Variants in SCFD1 observed in about 807,000 individuals in gnomAD.
The protein encoded by SCFD1 is sec1 family domain containing 1.
SCFD1 carries 37 observed loss-of-function variants against 103.2 expected under a neutral mutation model. That is an observed-to-expected ratio of 0.36 (90% CI 0.28 to 0.47). SCFD1 has a LOEUF of 0.47. SCFD1 is among the 20% of genes least tolerant of loss of function. SCFD1 has a pLI of 1.00. For synonymous variants in SCFD1, 264 were observed against 245.0 expected (o/e 1.08, Z -0.73); for missense variants, 639 against 761.2 (o/e 0.84, Z 1.89).
At chr14:30,668,332 A>G (rs1311330901) in intron 10 of SCFD1, among the ~76,000 whole-genome samples, 1 of 152,228 alleles carries the variant, frequency 6.6e-6, no homozygotes, top group African/African-American at 2.4e-5. Flanking sequence ...GTGCTGGGAA[A>G]ACTGGCTAGC....
chr14:30,667,013 C>G (rs1295462534), intron 10 of SCFD1, among the ~76,000 whole-genome samples: 5 of 152,160 alleles, frequency 3.3e-5, no homozygotes, highest in Admixed American at 6.5e-5. Flanking sequence ...TGAAACTATT[C>G]CAGTCAATAG....
At position 30,723,296 on chromosome 14, in the gene SCFD1, A is replaced by G. The variant is rs556095541; in HGVS notation, c.1836+737A>G. 3.5e-4 allele frequency among the ~76,000 whole-genome samples: 53 copies of G among 152,302 alleles called. 1 individual carries two copies. The highest frequency in any genetic ancestry group is 1.2e-3 in the African/African-American group (49 of 41,570). On this transcript the variant is annotated intron_variant, in intron 23 of 24. Coordinates refer to ENST00000458591, the MANE Select transcript of SCFD1 (RefSeq NM_016106.4). ...AACAAATAACTACTCTTGGGAGTCTATCTGTTTCATAGGACACGCTTCATC... is the reference window on the plus strand; with the variant it reads ...AACAAATAACTACTCTTGGGAGTCTGTCTGTTTCATAGGACACGCTTCATC...
intron 17 of SCFD1, 116 bp downstream of exon 17, chr14:30,702,491 A>G (rs1891150081): frequency 5.2e-6 from 3 of 574,902 alleles, no homozygotes; most frequent in Non-Finnish European, 9.0e-6. Context: ...GTGGTTTTAT[A>G]TATCCAGTGG....
chr14:30,641,553 C>G (rs913705916), intron 6 of SCFD1, among the ~76,000 whole-genome samples: 4 of 152,190 alleles, frequency 2.6e-5, no homozygotes, highest in Non-Finnish European at 5.9e-5. Flanking sequence ...CTACAGATCA[C>G]TTGTGCCACT....
At chr14:30,728,963 G>A (rs1893251519) in intron 23 of SCFD1, among the ~76,000 whole-genome samples, 1 of 150,546 alleles carries the variant, frequency 6.6e-6, no homozygotes, top group Non-Finnish European at 1.5e-5. Context: ...TCCTGCCTCA[G>A]CCTCCCAAGT....
At chr14:30,722,212 A>G (rs1232903489) in intron 22 of SCFD1, among the ~76,000 whole-genome samples, 1 of 152,140 alleles carries the variant, frequency 6.6e-6, no homozygotes, top group Admixed American at 6.5e-5. Flanking sequence ...GACTGTTTTC[A>G]TTTGAAATAC....
At chr14:30,726,286 A>G (rs1183675795) in intron 23 of SCFD1, among the ~76,000 whole-genome samples, 1 of 152,204 alleles carries the variant, frequency 6.6e-6, no homozygotes, top group Non-Finnish European at 1.5e-5. Context: ...TTTCTACCAC[A>G]GAAAGTTGAG....
intron 23 of SCFD1, among the ~76,000 whole-genome samples, chr14:30,724,306 G>A (rs1892886787): frequency 1.6e-5 from 2 of 128,864 alleles, no homozygotes; most frequent in South Asian, 5.3e-4. Context: ...AGGTTGGAGT[G>A]CAGTGGTGCC....
chr14:30,680,049 G>T (rs1279374416), intron 14 of SCFD1, among the ~76,000 whole-genome samples: 1 of 152,022 alleles, frequency 6.6e-6, no homozygotes, highest in Non-Finnish European at 1.5e-5. Context: ...TCAGTGAGTG[G>T]AATATCCTTC....
intron 2 of SCFD1, among the ~76,000 whole-genome samples, chr14:30,628,948 T>C (rs948146629): frequency 6.6e-6 from 1 of 152,202 alleles, no homozygotes; most frequent in African/African-American, 2.4e-5. Context: ...CTTGAGTCTT[T>C]ATAAGTCCTT....
At chr14:30,622,291 A>T (rs748409071), upstream of SCFD1, 52 of 1,591,458 alleles carry the variant, frequency 3.3e-5, 1 homozygote, top group Admixed American at 1.7e-5. Context: ...CAGCCACGTC[A>T]TCCCCCCGCT....
At chr14:30,706,980 C>A (rs1467261380) in intron 18 of SCFD1, among the ~76,000 whole-genome samples, 1 of 152,218 alleles carries the variant, frequency 6.6e-6, no homozygotes, top group Non-Finnish European at 1.5e-5. Context: ...TTCATTCCAA[C>A]AAGGATTACT....
intron 13 of SCFD1, among the ~76,000 whole-genome samples, chr14:30,674,381 G>A (rs185330470): frequency 1.0e-3 from 152 of 152,106 alleles, no homozygotes; most frequent in African/African-American, 2.2e-3. Flanking sequence ...GGTAGCTCAC[G>A]CCTGTAATCC....
chr14:30,717,614 T>G (rs926430256), intron 20 of SCFD1, among the ~76,000 whole-genome samples: 1 of 152,022 alleles, frequency 6.6e-6, no homozygotes, highest in Non-Finnish European at 1.5e-5. Flanking sequence ...ATTCAAAGCA[T>G]TTTGCGGTGG....
intron 13 of SCFD1, 29 bp downstream of exon 13, chr14:30,674,026 T>C: frequency 1.3e-6 from 2 of 1,541,322 alleles, no homozygotes; most frequent in Non-Finnish European, 1.8e-6. Context: ...CTCTTTGAAG[T>C]CTTTCTGTTG....
At chr14:30,653,167 G>A (rs1886563165) in intron 9 of SCFD1, among the ~76,000 whole-genome samples, 2 of 152,040 alleles carry the variant, frequency 1.3e-5, no homozygotes, top group Admixed American at 1.3e-4. Context: ...GGTGTGTGAT[G>A]GTGCATGCCT....
intron 10 of SCFD1, among the ~76,000 whole-genome samples, chr14:30,665,315 T>A (rs1385570210): frequency 6.6e-6 from 1 of 152,142 alleles, no homozygotes; most frequent in African/African-American, 2.4e-5. Flanking sequence ...GAAGGAGAAA[T>A]AAAATCCTTT....
chr14:30,709,667 G>T (rs1447954849), intron 19 of SCFD1, among the ~76,000 whole-genome samples: 1 of 152,102 alleles, frequency 6.6e-6, no homozygotes, highest in African/African-American at 2.4e-5. Flanking sequence ...CACCCTCTTA[G>T]ACTATATGTG....
At chr14:30,640,250 A>T (rs766098482) in intron 6 of SCFD1, among the ~76,000 whole-genome samples, 5 of 152,186 alleles carry the variant, frequency 3.3e-5, no homozygotes, top group Non-Finnish European at 7.4e-5. Context: ...CTGGAACCAG[A>T]TGATAAGCTC....
Sources: gnomAD v4.1 joint callset for allele counts (sites outside exome capture counted in the v4.1 genomes callset) on GRCh38, gnomAD v4.1.1 for gene constraint, MANE v1.5 for transcripts, NCBI Gene and HGNC (gene_info 2026-07-23, HGNC 2026-07-21) for gene names.